The following ZZEF1 variants were observed in gnomAD, a reference collection of about 807,000 sequenced individuals.
ZZEF1 encodes the protein zinc finger ZZ-type and EF-hand domain-containing protein 1.
ZZEF1 carries 157 observed loss-of-function variants against 342.8 expected under a neutral mutation model. The observed-to-expected ratio is 0.46, with a 90% CI of 0.40 to 0.52. The LOEUF (loss-of-function observed/expected upper bound fraction) is 0.52, where lower values mean the gene tolerates loss of function less well. ZZEF1 is among the 20% of genes least tolerant of loss of function. ZZEF1 has a pLI of 0.00. For synonymous variants in ZZEF1, 1,505 were observed against 1,429.1 expected (o/e 1.05, Z -1.20); for missense variants, 3,480 against 3,725.6 (o/e 0.93, Z 1.72).
In ZZEF1 at chr17:4,033,000, C is replaced by A. The variant is rs764239622; in HGVS notation, c.6587G>T (p.Arg2196Leu). The A allele has an allele frequency of 5.1e-6, 8 of 1,564,328 alleles. No individual in the cohort carries two copies. In the African/African-American group the frequency reaches 6.8e-5, roughly 13 times the overall value. ...FSLGAVCLDSRVGLDWACSMA... is the reference protein window; with the variant it reads ...FSLGAVCLDSLVGLDWACSMA... ...GGAGCACGCCCAGTCCAAGCCCACC[C>A]GGCTGGAAGGCAAGAGCTCCATTAG... The change falls in exon 41 of 55, where the codon CGG becomes CTG. Residue 2196 changes from arginine to leucine, a missense_variant and splice_region_variant. Arg to Leu is a moderately radical substitution (Grantham distance 102). This residue lies in a region of ZZEF1 where 1,269 missense variants were observed against 1,342.4 expected (regional missense o/e 0.95). Coordinates refer to ENST00000381638, the MANE Select transcript of ZZEF1 (RefSeq NM_015113.4).
intron 28 of ZZEF1, among the ~76,000 whole-genome samples, chr17:4,065,895 C>G (rs1025071056): frequency 6.6e-6 from 1 of 152,112 alleles, no homozygotes; most frequent in African/African-American, 2.4e-5. Context: ...CTTTGGGAGG[C>G]TGAGGTGGGA....
intron 37 of ZZEF1, among the ~76,000 whole-genome samples, chr17:4,046,093 C>G (rs1258120065): frequency 6.6e-6 from 1 of 152,180 alleles, no homozygotes; most frequent in Non-Finnish European, 1.5e-5. Context: ...TCCCAAAGTA[C>G]TGGGATTACA....
chr17:4,108,627 T>A (rs1184936936), intron 6 of ZZEF1, among the ~76,000 whole-genome samples: 1 of 152,174 alleles, frequency 6.6e-6, no homozygotes, highest in Non-Finnish European at 1.5e-5. Flanking sequence ...TCAATGGTTG[T>A]CAGTAAATGT....
intron 8 of ZZEF1, among the ~76,000 whole-genome samples, chr17:4,102,717 T>C (rs1412191104): frequency 3.9e-5 from 6 of 152,148 alleles, no homozygotes. Context: ...ATTGAACACA[T>C]TTGGGGGGGT....
chr17:4,124,065 G>T lies in ZZEF1; in HGVS notation c.355-14C>A. 1 of 1,594,182 alleles carries T rather than the reference G, an allele frequency of 6.3e-7. No individual in the cohort carries two copies. The highest frequency in any genetic ancestry group is 8.5e-7 in the Non-Finnish European group (1 of 1,169,838). ...CTGGGCAAAGGCCTACAAGATAAGAGATGCAAGAAAATCAGGGCTGTTTCA... is the reference window on the plus strand; with the variant it reads ...CTGGGCAAAGGCCTACAAGATAAGATATGCAAGAAAATCAGGGCTGTTTCA... On this transcript the variant is annotated splice_polypyrimidine_tract_variant and intron_variant, in intron 1 of 54. Transcript: ENST00000381638.
At chr17:4,026,917 A>C (rs569375491) in intron 42 of ZZEF1, among the ~76,000 whole-genome samples, 13 of 152,308 alleles carry the variant, frequency 8.5e-5, no homozygotes, top group Non-Finnish European at 1.8e-4. Flanking sequence ...ATGAAGTAAA[A>C]AAAAGTCCCC....
In ZZEF1 at chr17:4,054,117, A is replaced by T. The variant is rs1164305471; in HGVS notation, c.5374T>A (p.Trp1792Arg). Residue 1792 changes from tryptophan (W) to arginine (R), a missense_variant, in exon 34 of 55, where the codon TGG becomes AGG. Trp to Arg is a moderately radical substitution (Grantham distance 101). This residue lies in a region of ZZEF1 where 175 missense variants were observed against 254.6 expected (regional missense o/e 0.69). Transcript: ENST00000381638. ...SCDGCDEIAP[W>R]HRYRCLQCSD... ...CACTGCAGACAGCGGTATCGATGCC[A>T]GGGGGCAATCTCATCACACCCATCA... 15 of 1,613,746 alleles carry T rather than the reference A, an allele frequency of 9.3e-6. No homozygotes were observed. Among genetic ancestry groups the T allele is most frequent in the Non-Finnish European group, 1.3e-5 (15 of 1,179,876 alleles).
chr17:4,006,790 C>T lies in ZZEF1; in HGVS notation c.*100G>A. 1 of 1,298,482 alleles carries T rather than the reference C, an allele frequency of 7.7e-7. No individual in the cohort carries two copies. Among genetic ancestry groups the T allele is most frequent in the Non-Finnish European group, 1.1e-6 (1 of 918,338 alleles). The allele number at this position is 1,298,482 out of a possible 1,614,324, so 80.4% of individuals were successfully genotyped here. A position where few individuals can be genotyped will look rare whatever the true frequency, so the allele number is the denominator to read the frequency against. ...ACTGGAGTGGTCAGCTCAAGGAGAG[C>T]TGGGCACTGGCGCTACAGGAGTTTT... On this transcript the variant is annotated 3_prime_UTR_variant, in exon 55 of 55. Coordinates refer to ENST00000381638, the MANE Select transcript of ZZEF1 (RefSeq NM_015113.4).
At chr17:4,052,726 G>A (rs951703966) in intron 34 of ZZEF1, among the ~76,000 whole-genome samples, 1 of 152,178 alleles carries the variant, frequency 6.6e-6, no homozygotes, top group Non-Finnish European at 1.5e-5. Flanking sequence ...AATTAGCCAC[G>A]TGTGGTGGCA....
chr17:4,081,274 A>G (rs1227231217), intron 18 of ZZEF1, 102 bp downstream of exon 18: 2 of 935,206 alleles, frequency 2.1e-6, no homozygotes, highest in Non-Finnish European at 3.4e-6. Context: ...ACAACAAAGT[A>G]CATTCATACT....
At chr17:4,047,955 A>C (rs2056960623) in intron 37 of ZZEF1, among the ~76,000 whole-genome samples, 1 of 152,102 alleles carries the variant, frequency 6.6e-6, no homozygotes, top group Non-Finnish European at 1.5e-5. Context: ...AAAATAAGAA[A>C]AGTAATAGAT....
intron 28 of ZZEF1, 24 bp downstream of exon 28, chr17:4,066,423 A>G: frequency 6.2e-7 from 1 of 1,611,726 alleles, no homozygotes; most frequent in Non-Finnish European, 8.5e-7. Flanking sequence ...GCTCAGGGAC[A>G]ACAGCTGGTG....
In ZZEF1 at chr17:4,074,398, T is replaced by A; in HGVS notation, c.3484-47A>T. On this transcript the variant is annotated intron_variant, in intron 23 of 54. Transcript: ENST00000381638. ...GTGGTCAGACAGATTAGAGGAGGAG[T>A]GCTTCAGAAATCAGCATGCTCTTCA... 2.5e-6 allele frequency: 4 copies of A among 1,589,840 alleles called. No homozygotes were observed. In the South Asian group the frequency reaches 4.4e-5, roughly 18 times the overall value.
At position 4,088,667 on chromosome 17, in the gene ZZEF1, G is replaced by A; in HGVS notation, c.2241+11C>T. ...TAAAGGAATGCCGTCTAACAACTGA[G>A]GAAGCCCTACCAGGTCATGGGCGAG... On this transcript the variant is annotated intron_variant, in intron 13 of 54. Transcript: ENST00000381638. 1 of 1,612,876 alleles carries A rather than the reference G, an allele frequency of 6.2e-7. No individual in the cohort carries two copies. The highest frequency in any genetic ancestry group is 8.5e-7 in the Non-Finnish European group (1 of 1,179,804).
Position 4,064,847 on chromosome 17 carries a change from T to TAAA in ZZEF1, c.4250-19_4250-18insTTT. On this transcript the variant is annotated intron_variant, in intron 28 of 54. Transcript: ENST00000381638. ...CTCTTTTGCTAGATGCAAACAAGAA[T>TAAA]CATAATTGAAAAAAAAAAAAGTTAA... is the stretch of plus-strand genomic sequence containing the variant. 5 of 1,081,444 alleles carry TAAA rather than the reference T, an allele frequency of 4.6e-6. No homozygotes were observed. The highest frequency in any genetic ancestry group is 3.1e-5 in the East Asian group (1 of 32,776). The allele number at this position is 1,081,444 out of a possible 1,614,324, so 67.0% of individuals were successfully genotyped here.
rs1290679278 is a variant in ZZEF1 at position 4,032,699 on chromosome 17, G to A, written c.6759+129C>T. The A allele has an allele frequency of 5.6e-6, 5 of 896,412 alleles. No individual in the cohort carries two copies. In the East Asian group the frequency reaches 1.0e-4, roughly 18 times the overall value. The allele number at this position is 896,412 out of a possible 1,614,324, so 55.5% of individuals were successfully genotyped here. A position where few individuals can be genotyped will look rare whatever the true frequency, so the allele number is the denominator to read the frequency against. ...CAATACTTCAATACTACAAAAGCAA[G>A]GTGTACAGGCAAAGGAAAAAGCTTC... On this transcript the variant is annotated intron_variant, in intron 41 of 54. Coordinates refer to ENST00000381638, the MANE Select transcript of ZZEF1 (RefSeq NM_015113.4).
chr17:4,111,032 A>T (rs1465395835), intron 5 of ZZEF1, among the ~76,000 whole-genome samples: 1 of 152,216 alleles, frequency 6.6e-6, no homozygotes, highest in East Asian at 1.9e-4. Flanking sequence ...ATATTTTTAC[A>T]ACACTAAATA....
intron 26 of ZZEF1, 119 bp downstream of exon 26, chr17:4,070,564 GT>G: frequency 8.3e-7 from 1 of 1,208,536 alleles, no homozygotes; most frequent in Non-Finnish European, 1.1e-6. Context: ...ACAAGATGAT[GT>G]TTACAGTTAT....
chr17:4,127,873 G>C (rs1429630991), intron 1 of ZZEF1, among the ~76,000 whole-genome samples: 1 of 152,212 alleles, frequency 6.6e-6, no homozygotes, highest in Non-Finnish European at 1.5e-5. Context: ...CGCACCTATA[G>C]CCGCCAACAC....
Sources: gnomAD v4.1 joint callset for allele counts (sites outside exome capture counted in the v4.1 genomes callset) on GRCh38, gnomAD v4.1.1 for gene constraint, gnomAD v4.1.1 regional missense constraint, MANE v1.5 for transcripts, NCBI Gene and HGNC (gene_info 2026-07-23, HGNC 2026-07-21) for gene names.